The following SNX30 variants were observed in gnomAD, a reference collection of about 807,000 sequenced individuals.
The protein encoded by SNX30 is sorting nexin family member 30, also known as sorting nexin-30.
SNX30 carries 24 observed loss-of-function variants against 46.4 expected under a neutral mutation model. The ratio of observed to expected loss-of-function variants is 0.52; its 90% CI spans 0.37 to 0.73. The LOEUF is 0.73. SNX30 is among the 30% of genes least tolerant of loss of function. The pLI, the probability that SNX30 is intolerant of heterozygous loss-of-function variation, is 0.00. For synonymous variants in SNX30, 189 were observed against 211.5 expected (o/e 0.89, Z 0.92); for missense variants, 533 against 555.7 (o/e 0.96, Z 0.41).
Position 112,872,883 on chromosome 9 carries a change from A to G in SNX30, c.*4040A>G, listed in dbSNP as rs1841468202. 6.6e-6 allele frequency: 1 copy of G among 152,228 alleles called. No homozygotes were observed. Among genetic ancestry groups the G allele is most frequent in the African/African-American group, 2.4e-5 (1 of 41,458 alleles). 9.4% of individuals were successfully genotyped at this position (152,228 alleles called of 1,614,324 possible). A position where few individuals can be genotyped will look rare whatever the true frequency, so the allele number is the denominator to read the frequency against. ...TGAGGAAAATGTTCTCTCCTGGGCC[A>G]GCCTCACAGCTTGCGTTGGGTGTGT... On this transcript the variant is annotated 3_prime_UTR_variant, in exon 9 of 9. Transcript: ENST00000374232.
At chr9:112,837,392 T>G (rs916880344) in intron 5 of SNX30, among the ~76,000 whole-genome samples, 1 of 152,108 alleles carries the variant, frequency 6.6e-6, no homozygotes, top group African/African-American at 2.4e-5. Flanking sequence ...AGTCTGCCAG[T>G]GTAAGACCAC....
chr9:112,865,511 G>A (rs772026769), intron 8 of SNX30, among the ~76,000 whole-genome samples: 26 of 151,226 alleles, frequency 1.7e-4, no homozygotes, highest in Non-Finnish European at 2.5e-4. Context: ...CCAGCTACTC[G>A]GGAGGCTGTG....
chr9:112,793,689 A>G (rs1003082472), intron 1 of SNX30, among the ~76,000 whole-genome samples: 2 of 151,946 alleles, frequency 1.3e-5, no homozygotes, highest in Admixed American at 1.3e-4. Context: ...CCCAGGTAGA[A>G]CCAGTAGACA....
chr9:112,758,516 G>C (rs1429847569), intron 1 of SNX30, among the ~76,000 whole-genome samples: 1 of 152,120 alleles, frequency 6.6e-6, no homozygotes, highest in African/African-American at 2.4e-5. Context: ...TTTTGGTAGA[G>C]ATGGGGTTTC....
intron 3 of SNX30, among the ~76,000 whole-genome samples, chr9:112,820,790 A>AT (rs545946880): frequency 1.3e-5 from 2 of 152,032 alleles, no homozygotes; most frequent in East Asian, 1.9e-4. Flanking sequence ...ACACAACGTG[A>AT]TTTTTTTTGT....
rs563879694 is a variant in SNX30 at position 112,816,419 on chromosome 9, C to A, written c.349-1286C>A. Among the ~76,000 whole-genome samples the A allele has an allele frequency of 1.2e-3, 189 of 152,316 alleles. 1 individual carries two copies. The highest frequency in any genetic ancestry group is 4.3e-3 in the African/African-American group (177 of 41,562). On this transcript the variant is annotated intron_variant, in intron 2 of 8. Transcript: ENST00000374232. ...ATGCTAGTTCCTTTGGGAAAATCATCTGATAAGTCACAAATACCTACATTG... is the reference window on the plus strand; with the variant it reads ...ATGCTAGTTCCTTTGGGAAAATCATATGATAAGTCACAAATACCTACATTG...
In SNX30 at chr9:112,806,057, A is replaced by G. The variant is rs190560129; in HGVS notation, c.348+1090A>G. On this transcript the variant is annotated intron_variant, in intron 2 of 8. Transcript: ENST00000374232. ...TTTAGTCTTGGAACAAGGTTTCCCA[A>G]TCTTGGCAGTATTAACCTTTTGGAC... Among the ~76,000 whole-genome samples, 148 of 152,324 alleles carry G rather than the reference A, an allele frequency of 9.7e-4. 3 individuals are homozygous for G. Among genetic ancestry groups the G allele is most frequent in the East Asian group, 5.2e-3 (27 of 5,192 alleles).
intron 1 of SNX30, among the ~76,000 whole-genome samples, chr9:112,754,337 G>A (rs1252784634): frequency 1.3e-5 from 2 of 151,626 alleles, no homozygotes; most frequent in African/African-American, 4.8e-5. Flanking sequence ...GCTCCCAAAG[G>A]AGGAATCCTT....
intron 1 of SNX30, among the ~76,000 whole-genome samples, chr9:112,769,188 T>A (rs1361304754): frequency 2.0e-5 from 3 of 152,236 alleles, no homozygotes; most frequent in Admixed American, 1.3e-4. Flanking sequence ...TCTGTTTGTG[T>A]CTGTCCTGCG....
intron 1 of SNX30, among the ~76,000 whole-genome samples, chr9:112,765,296 A>C (rs1402754456): frequency 6.6e-6 from 1 of 152,238 alleles, no homozygotes; most frequent in Non-Finnish European, 1.5e-5. Flanking sequence ...AAATTGTGAT[A>C]TACTTCACAT....
intron 2 of SNX30, among the ~76,000 whole-genome samples, chr9:112,813,958 A>G (rs1840358953): frequency 6.6e-6 from 1 of 152,190 alleles, no homozygotes; most frequent in Admixed American, 6.5e-5. Flanking sequence ...CACAGTTTAG[A>G]CATTATTTTC....
At chr9:112,837,835 C>T (rs1840784008) in intron 5 of SNX30, among the ~76,000 whole-genome samples, 1 of 151,574 alleles carries the variant, frequency 6.6e-6, no homozygotes, top group Non-Finnish European at 1.5e-5. Context: ...ACTCTGCCTC[C>T]ATTGCCTGTT....
intron 3 of SNX30, among the ~76,000 whole-genome samples, chr9:112,830,164 G>C (rs1255266622): frequency 6.6e-6 from 1 of 152,080 alleles, no homozygotes; most frequent in East Asian, 1.9e-4. Flanking sequence ...TGAATAAGGG[G>C]AATAAAGGAA....
At chr9:112,775,969 G>A (rs1839742178) in intron 1 of SNX30, among the ~76,000 whole-genome samples, 1 of 151,922 alleles carries the variant, frequency 6.6e-6, no homozygotes, top group Non-Finnish European at 1.5e-5. Context: ...AATTAGTTCA[G>A]CACTTACTAT....
At chr9:112,836,144 A>C in intron 4 of SNX30, 70 bp from the exon 5 acceptor site, 1 of 1,389,788 alleles carries the variant, frequency 7.2e-7, no homozygotes, top group Non-Finnish European at 9.7e-7. Flanking sequence ...CTGCTTTTAG[A>C]AGCTGTTTTA....
intron 3 of SNX30, among the ~76,000 whole-genome samples, chr9:112,826,095 A>C (rs1391819399): frequency 6.6e-6 from 1 of 152,182 alleles, no homozygotes; most frequent in Non-Finnish European, 1.5e-5. Flanking sequence ...AGGCACTCCT[A>C]ACCACTTACT....
chr9:112,805,508 G>T (rs976118861), intron 2 of SNX30, among the ~76,000 whole-genome samples: 1 of 152,110 alleles, frequency 6.6e-6, no homozygotes, highest in African/African-American at 2.4e-5. Context: ...TTGCTCTGTT[G>T]CCCAGGCTGG....
At chr9:112,828,539 C>CAGT (rs1368815496) in intron 3 of SNX30, among the ~76,000 whole-genome samples, 2 of 152,128 alleles carry the variant, frequency 1.3e-5, no homozygotes, top group Admixed American at 6.5e-5. Flanking sequence ...GCTCAACGAA[C>CAGT]AGTACATGGT....
intron 1 of SNX30, among the ~76,000 whole-genome samples, chr9:112,761,813 G>C (rs982210372): frequency 2.0e-5 from 3 of 152,086 alleles, no homozygotes; most frequent in Non-Finnish European, 4.4e-5. Context: ...AAACTTCAAG[G>C]CTCAAACAAA....
Sources: gnomAD v4.1 joint callset for allele counts (sites outside exome capture counted in the v4.1 genomes callset) on GRCh38, gnomAD v4.1.1 for gene constraint, MANE v1.5 for transcripts, NCBI Gene and HGNC (gene_info 2026-07-23, HGNC 2026-07-21) for gene names.